The following FBXO46 variants were observed in gnomAD, a reference collection of about 807,000 sequenced individuals.
FBXO46 encodes F-box protein 46.
FBXO46 carries 13 observed loss-of-function variants against 30.7 expected under a neutral mutation model. The ratio of observed to expected loss-of-function variants is 0.42; its 90% CI spans 0.28 to 0.67. FBXO46 has a LOEUF of 0.67. Among genes scored for constraint, FBXO46 ranks in the 30% least tolerant of loss-of-function variants. The probability of loss-of-function intolerance (pLI) is 0.21; values close to 1 mark genes in which losing one functional copy is unlikely to be tolerated. For synonymous variants in FBXO46, 467 were observed against 385.8 expected (o/e 1.21, Z -2.47); for missense variants, 754 against 871.5 (o/e 0.87, Z 1.70).
chr19:45,712,901 C>T lies in FBXO46; in HGVS notation c.595G>A (p.Val199Ile). ...SYPRPTTPAP[V>I]VFVSAEQGGP... ...CCTTGCTCGGCGGACACAAAGACTACAGGCGCTGGGGTGGTCGGTCGTGGG... is the reference window on the plus strand; with the variant it reads ...CCTTGCTCGGCGGACACAAAGACTATAGGCGCTGGGGTGGTCGGTCGTGGG... The change falls in exon 2 of 2, where the codon GTA (valine) becomes ATA (isoleucine). Residue 199 changes from valine (V) to isoleucine (I), a missense_variant. Coordinates refer to ENST00000317683, the MANE Select transcript of FBXO46 (RefSeq NM_001080469.2). This position sits in a 1 kb window ranked among gnomAD's most constrained non-coding sequence, Gnocchi z 8.8. The T allele has an allele frequency of 6.2e-7, 1 of 1,612,960 alleles. No individual in the cohort carries two copies.
At chr19:45,720,721 G>A (rs1029172603) in intron 1 of FBXO46, among the ~76,000 whole-genome samples, 2 of 152,086 alleles carry the variant, frequency 1.3e-5, no homozygotes, top group African/African-American at 4.8e-5. Flanking sequence ...GCCTCCCCAA[G>A]TGCTGGGACT....
Position 45,713,139 on chromosome 19 carries a change from C to T in FBXO46, c.357G>A (p.Lys119=). The T allele has an allele frequency of 6.2e-7, 1 of 1,613,412 alleles. No homozygotes were observed. The highest frequency in any genetic ancestry group is 8.5e-7 in the Non-Finnish European group (1 of 1,179,710). ...CGGGSRASSM[K]VKGHWGSDSS... ...TATCGCTGCCCCAGTGCCCCTTGAC[C>T]TTCATGGAGCTGGCCCGGCTGCCCC... Residue 119 remains lysine (K), a synonymous_variant, in exon 2 of 2, where the codon AAG becomes AAA. Coordinates refer to ENST00000317683, the MANE Select transcript of FBXO46 (RefSeq NM_001080469.2). This position sits in a 1 kb window ranked among gnomAD's most constrained non-coding sequence, Gnocchi z 4.7.
rs538288883 is a variant in FBXO46, at chr19:45,712,911, G to A, written c.585C>T (p.Thr195=). 2 of 1,611,444 alleles carry A rather than the reference G, an allele frequency of 1.2e-6. No homozygotes were observed. The highest frequency in any genetic ancestry group is 1.7e-6 in the Non-Finnish European group (2 of 1,178,984). ...LALQSYPRPT[T]PAPVVFVSAE... is the part of the protein sequence containing the mutation. ...CGGACACAAAGACTACAGGCGCTGG[G>A]GTGGTCGGTCGTGGGTAGCTCTGCA... The change falls in exon 2 of 2, where the codon ACC becomes ACT. Residue 195 remains threonine, a synonymous_variant. Transcript: ENST00000317683. The surrounding 1 kb of genome is among the most constrained non-coding windows in gnomAD (Gnocchi z 8.8).
chr19:45,730,267 C>T (rs562975836), intron 1 of FBXO46, among the ~76,000 whole-genome samples: 1 of 152,214 alleles, frequency 6.6e-6, no homozygotes, highest in South Asian at 2.1e-4. Flanking sequence ...GTCCAGCTTA[C>T]CGGGAGTCTC....
rs1487925621 is a variant in FBXO46 at position 45,711,810 on chromosome 19, G to A, written c.1686C>T (p.Tyr562=). The A allele has an allele frequency of 1.9e-6, 3 of 1,612,514 alleles. No homozygotes were observed. The highest frequency in any genetic ancestry group is 2.5e-6 in the Non-Finnish European group (3 of 1,179,534). Reference sequence around the variant, plus strand: ...GGTCGGCTCGACGGCAGCACATCCAGTAGGAACGTCCGTAAGGCAGGTCAT... The same window carrying A: ...GGTCGGCTCGACGGCAGCACATCCAATAGGAACGTCCGTAAGGCAGGTCAT... ...YHHDLPYGRS[Y]WMCCRRADRE... Residue 562 remains tyrosine (Y), a synonymous_variant, in exon 2 of 2, where the codon TAC becomes TAT. Coordinates refer to ENST00000317683, the MANE Select transcript of FBXO46 (RefSeq NM_001080469.2).
upstream of FBXO46, among the ~76,000 whole-genome samples, chr19:45,732,963 C>T (rs1968346076): frequency 6.6e-6 from 1 of 152,106 alleles, no homozygotes; most frequent in South Asian, 2.1e-4. Flanking sequence ...GAGGTTCTCA[C>T]GGTCTTCTCG....
At chr19:45,720,692 C>A (rs1968157918) in intron 1 of FBXO46, among the ~76,000 whole-genome samples, 1 of 151,758 alleles carries the variant, frequency 6.6e-6, no homozygotes, top group African/African-American at 2.4e-5. Flanking sequence ...CTCTTGAACT[C>A]AAGCAATCCT....
At chr19:45,728,172 C>A (rs542436640) in intron 1 of FBXO46, among the ~76,000 whole-genome samples, 2 of 152,192 alleles carry the variant, frequency 1.3e-5, no homozygotes, top group Non-Finnish European at 2.9e-5. Flanking sequence ...GCAATCTGCC[C>A]GCAATGGCCT....
chr19:45,732,243 T>C (rs180682699), upstream of FBXO46, among the ~76,000 whole-genome samples: 10 of 152,232 alleles, frequency 6.6e-5, no homozygotes, highest in East Asian at 1.7e-3. Flanking sequence ...CGGAACTATA[T>C]GCCAGACACC....
chr19:45,720,481 C>T (rs1968154124), intron 1 of FBXO46, among the ~76,000 whole-genome samples: 1 of 152,050 alleles, frequency 6.6e-6, no homozygotes, highest in African/African-American at 2.4e-5. Context: ...GTTGATCAGG[C>T]TGGTCTTGAA....
chr19:45,718,004 C>T (rs1416407314), intron 1 of FBXO46, among the ~76,000 whole-genome samples: 2 of 152,166 alleles, frequency 1.3e-5, no homozygotes, highest in Admixed American at 6.5e-5. Context: ...AAAGAGCAGC[C>T]AGAAAAGTCC....
At chr19:45,729,154 C>T (rs114821440) in intron 1 of FBXO46, among the ~76,000 whole-genome samples, 2,927 of 151,804 alleles carry the variant, frequency 0.019, 93 homozygotes, top group African/African-American at 0.066. Flanking sequence ...TAGGGCCAGG[C>T]GCAATGGCTC....
chr19:45,714,536 TC>T (rs1568546366), intron 1 of FBXO46: 1 of 152,016 alleles, frequency 6.6e-6, no homozygotes, highest in East Asian at 1.9e-4. Flanking sequence ...TAGGAGGAGT[TC>T]CAGGCTGCAG....
chr19:45,729,514 GTC>G (rs1968281316), intron 1 of FBXO46, among the ~76,000 whole-genome samples: 1 of 152,238 alleles, frequency 6.6e-6, no homozygotes, highest in African/African-American at 2.4e-5. Flanking sequence ...TTTGTTCGCT[GTC>G]TCTACTCATC....
intron 1 of FBXO46, among the ~76,000 whole-genome samples, chr19:45,714,010 C>T (rs1036080652): frequency 2.0e-5 from 3 of 150,310 alleles, no homozygotes; most frequent in Admixed American, 2.0e-4. Flanking sequence ...TTCCCACTGC[C>T]ATGCTCAGGT....
At chr19:45,720,192 C>T (rs943859016) in intron 1 of FBXO46, among the ~76,000 whole-genome samples, 4 of 151,892 alleles carry the variant, frequency 2.6e-5, no homozygotes, top group African/African-American at 7.3e-5. Context: ...GGTGCGATCT[C>T]GGCTCACTGC....
chr19:45,719,998 AGT>A (rs753912898), intron 1 of FBXO46, among the ~76,000 whole-genome samples: 3 of 151,956 alleles, frequency 2.0e-5, no homozygotes, highest in Non-Finnish European at 4.4e-5. Context: ...TGTTTTTGTG[AGT>A]GTGTGTTTTG....
intron 1 of FBXO46, among the ~76,000 whole-genome samples, chr19:45,717,763 T>C (rs1348068571): frequency 1.0e-4 from 13 of 130,450 alleles, no homozygotes. Flanking sequence ...AGTATCCAGC[T>C]TTGGTTGGGA....
Position 45,713,247 on chromosome 19 carries a change from T to C in FBXO46, c.249A>G (p.Arg83=), listed in dbSNP as rs773231193. The stretch of plus-strand genomic sequence containing the variant: ...TGACATACCACGTGTCCAGGAGGAC[T>C]CGACCCTCATCACCAGCAGCTGCTG... ...LSAAAAGDEG[R]VLLDTWYVIK... Residue 83 remains arginine, a synonymous_variant, in exon 2 of 2, where the codon CGA becomes CGG. Coordinates refer to ENST00000317683, the MANE Select transcript of FBXO46 (RefSeq NM_001080469.2). The surrounding 1 kb of genome is among the most constrained non-coding windows in gnomAD (Gnocchi z 4.7). The C allele has an allele frequency of 6.2e-7, 1 of 1,613,956 alleles. No individual in the cohort carries two copies. Among genetic ancestry groups the C allele is most frequent in the Non-Finnish European group, 8.5e-7 (1 of 1,179,872 alleles).
Sources: allele counts gnomAD v4.1 joint callset (sites outside exome capture counted in the v4.1 genomes callset), GRCh38; gene constraint gnomAD v4.1.1; non-coding constraint Gnocchi (gnomAD v3.1); transcripts MANE v1.5; gene names NCBI Gene and HGNC (gene_info 2026-07-23, HGNC 2026-07-21).